The following TXLNG variants were observed in gnomAD, a reference collection of about 807,000 sequenced individuals.
TXLNG encodes the protein taxilin gamma.
Under a neutral mutation model 38.8 loss-of-function variants are expected in TXLNG, and 5 were observed. The ratio of observed to expected loss-of-function variants is 0.13; its 90% CI spans 0.07 to 0.27. The LOEUF is 0.27. Among genes scored for constraint, TXLNG ranks in the 10% least tolerant of loss-of-function variants. The probability of loss-of-function intolerance (pLI) is 1.00; values close to 1 mark genes in which losing one functional copy is unlikely to be tolerated. For missense variants in TXLNG, 393 were observed against 398.2 expected (o/e 0.99, Z 0.11); for synonymous variants, 182 against 158.2 (o/e 1.15, Z -1.13).
In TXLNG at chrX:16,808,777, CTAT is replaced by C. The variant is rs1457322846; in HGVS notation, c.103-9792_103-9790del. On this transcript the variant is annotated intron_variant, in intron 1 of 9. Transcript: ENST00000380122. ...ATGTACAGCAGTTTATTCATCCGGT[CTAT>C]TATTTATTGATATTTAGGATATTTC... Among the ~76,000 whole-genome samples, 18 of 111,509 alleles carry C rather than the reference CTAT, an allele frequency of 1.6e-4. No individual in the cohort carries two copies. In the East Asian group the frequency reaches 4.2e-3, roughly 26 times the overall value.
intron 1 of TXLNG, among the ~76,000 whole-genome samples, chrX:16,787,991 C>G (rs1275699108): frequency 8.9e-6 from 1 of 111,924 alleles, no homozygotes; most frequent in Non-Finnish European, 1.9e-5. Flanking sequence ...TCAATTACCT[C>G]TCTTTCTTTC....
chrX:16,811,767 A>G (rs1196355386), intron 1 of TXLNG, among the ~76,000 whole-genome samples: 6 of 93,569 alleles, frequency 6.4e-5, no homozygotes, highest in Admixed American at 1.2e-4. Flanking sequence ...ATCCCAAGTA[A>G]CTGGGACTCT....
At chrX:16,789,986 C>T (rs1314870880) in intron 1 of TXLNG, among the ~76,000 whole-genome samples, 4 of 109,935 alleles carry the variant, frequency 3.6e-5, no homozygotes, top group Non-Finnish European at 7.6e-5. Context: ...TTAGTAGAGA[C>T]GGGGTTTCTC....
At chrX:16,821,949 G>C (rs1334308268) in intron 3 of TXLNG, among the ~76,000 whole-genome samples, 2 of 109,412 alleles carry the variant, frequency 1.8e-5, no homozygotes, top group Admixed American at 9.8e-5. Flanking sequence ...AGCCGAGATC[G>C]TGCCACTGCA....
At chrX:16,837,030 G>A (rs964865036) in intron 7 of TXLNG, among the ~76,000 whole-genome samples, 10 of 111,318 alleles carry the variant, frequency 9.0e-5, no homozygotes, top group African/African-American at 3.3e-4. Context: ...TATTTTGCTT[G>A]CCTTGTTGGT....
At position 16,820,194 on chromosome X, in the gene TXLNG, TA is replaced by T; in HGVS notation, c.440del (p.Asn147ThrfsTer31). 8.3e-7 allele frequency: 1 copy of T among 1,210,277 alleles called. No individual in the cohort carries two copies. Among genetic ancestry groups the T allele is most frequent in the Non-Finnish European group, 1.1e-6 (1 of 894,865 alleles). On this transcript the variant is annotated frameshift_variant, in exon 3 of 10. Transcript: ENST00000380122. LOFTEE classifies it high-confidence loss of function. ...GKEVLLLMQA[L>X]NTLSTPEEKL... ...GAAGTTTTATTACTGATGCAAGCCC[TA>T]AACACCCTTTCAACCCCAGAGGAGA...
chrX:16,804,508 C>T (rs903034656), intron 1 of TXLNG, among the ~76,000 whole-genome samples: 8 of 109,576 alleles, frequency 7.3e-5, no homozygotes, highest in African/African-American at 1.0e-4. Flanking sequence ...CCCCACCCCC[C>T]GCCAAAAGTA....
At chrX:16,787,379 C>T (rs1452598771) in intron 1 of TXLNG, among the ~76,000 whole-genome samples, 2 of 72,366 alleles carry the variant, frequency 2.8e-5, no homozygotes, top group Admixed American at 2.8e-4. Context: ...CTTTTTTCCC[C>T]TCTTTTTTTT....
chrX:16,829,869 T>A, intron 5 of TXLNG, 99 bp downstream of exon 5: 2 of 811,885 alleles, frequency 2.5e-6, no homozygotes, highest in Non-Finnish European at 3.5e-6. Context: ...TTTCAGAACT[T>A]TGCATATGCA....
Position 16,839,803 on chromosome X carries a change from G to T in TXLNG, c.1153-18G>T. On this transcript the variant is annotated intron_variant, in intron 8 of 9. Coordinates refer to ENST00000380122, the MANE Select transcript of TXLNG (RefSeq NM_018360.3). ...AAGGAAGGGAACTTAGAATTTAAAT[G>T]TGCAATTGTATTCACAGATGACAAA... 9.0e-7 allele frequency: 1 copy of T among 1,114,532 alleles called. No homozygotes were observed. Among genetic ancestry groups the T allele is most frequent in the Non-Finnish European group, 1.2e-6 (1 of 817,552 alleles). 91.8% of individuals were successfully genotyped at this position (1,114,532 alleles called of 1,213,427 possible).
chrX:16,786,675 G>A, intron 1 of TXLNG, 86 bp downstream of exon 1: 1 of 674,900 alleles, frequency 1.5e-6, no homozygotes, highest in Non-Finnish European at 2.0e-6. Flanking sequence ...CTCTCTCCCT[G>A]GTTACCTATA....
intron 3 of TXLNG, among the ~76,000 whole-genome samples, chrX:16,827,199 A>G (rs1184163281): frequency 9.0e-6 from 1 of 111,577 alleles, no homozygotes; most frequent in Admixed American, 9.6e-5. Flanking sequence ...ACAGAATAAT[A>G]GTCCATCTAA....
rs534667686 is a variant in TXLNG, at chrX:16,836,210, C to T, written c.1060-1383C>T. ...GAGGGAGGTCGAGGCTGCAATGAGC[C>T]GTGATTGCGCCACTGCACTCCAGCC... On this transcript the variant is annotated intron_variant, in intron 7 of 9. Transcript: ENST00000380122. Among the ~76,000 whole-genome samples the T allele has an allele frequency of 1.1e-4, 12 of 111,873 alleles. No individual in the cohort carries two copies. The South Asian group carries it at 4.1e-3, about 39-fold the overall frequency.
chrX:16,831,370 G>C (rs1929407525), intron 5 of TXLNG, among the ~76,000 whole-genome samples: 1 of 112,527 alleles, frequency 8.9e-6, no homozygotes, highest in Non-Finnish European at 1.9e-5. Flanking sequence ...CTCATGGCTG[G>C]GTGATGGGAG....
At chrX:16,813,135 G>T (rs1292867500) in intron 1 of TXLNG, among the ~76,000 whole-genome samples, 1 of 111,419 alleles carries the variant, frequency 9.0e-6, no homozygotes. Flanking sequence ...ATGGGCAAAA[G>T]ATCTGAAAAA....
Position 16,813,852 on chromosome X carries a change from C to T in TXLNG, c.103-4722C>T, listed in dbSNP as rs188579532. 1.1e-3 allele frequency among the ~76,000 whole-genome samples: 121 copies of T among 111,224 alleles called. 2 individuals carry two copies. In the East Asian group the frequency reaches 0.018, roughly 17 times the overall value. On this transcript the variant is annotated intron_variant, in intron 1 of 9. Transcript: ENST00000380122. ...CTGTAATCCCAGCACTTTGGGAGGC[C>T]GAGGTGGTCGGATCATAAGGTCAGG...
intron 1 of TXLNG, among the ~76,000 whole-genome samples, chrX:16,809,508 T>C (rs979478268): frequency 2.7e-5 from 3 of 109,314 alleles, no homozygotes; most frequent in African/African-American, 1.0e-4. Context: ...CACGCCCAGC[T>C]AATTTTTGTA....
Position 16,841,672 on chromosome X carries a change from G to T in TXLNG, c.1493G>T (p.Gly498Val). The change falls in exon 10 of 10, where the codon GGA becomes GTA. Residue 498 changes from glycine (G) to valine (V), a missense_variant. Physicochemically the swap from Gly to Val is moderately radical, Grantham distance 109. Transcript: ENST00000380122. The part of the protein sequence containing the change: ...ELNTSSKRAL[G>V]AHLEAEPKSQ... ...AACACTTCCTCGAAAAGAGCCCTGG[G>T]AGCGCACCTGGAGGCTGAGCCCAAG... 8.3e-7 allele frequency: 1 copy of T among 1,211,879 alleles called. No homozygotes were observed. The highest frequency in any genetic ancestry group is 1.8e-5 in the South Asian group (1 of 56,999).
At chrX:16,791,380 A>G (rs866955696) in intron 1 of TXLNG, among the ~76,000 whole-genome samples, 1 of 95,777 alleles carries the variant, frequency 1.0e-5, no homozygotes, top group Non-Finnish European at 2.2e-5. Context: ...GAAGTAAAGT[A>G]AAGTGATCTT....
Sources: gnomAD v4.1 joint callset for allele counts (sites outside exome capture counted in the v4.1 genomes callset) on GRCh38, gnomAD v4.1.1 for gene constraint, MANE v1.5 for transcripts, NCBI Gene and HGNC (gene_info 2026-07-23, HGNC 2026-07-21) for gene names.